The following TBC1D12 variants were observed in gnomAD, a reference collection of about 807,000 sequenced individuals.
The protein encoded by TBC1D12 is TBC1 domain family, member 12.
TBC1D12 carries 56 observed loss-of-function variants against 86.7 expected under a neutral mutation model. The observed-to-expected ratio is 0.65, with a 90% CI of 0.52 to 0.81. The LOEUF (loss-of-function observed/expected upper bound fraction) is 0.81, where lower values mean the gene tolerates loss of function less well. Ranked by LOEUF, TBC1D12 falls within the 30% of genes least tolerant of loss-of-function variation. TBC1D12 has a pLI of 0.00. For missense variants in TBC1D12, 1,023 were observed against 1,038.8 expected (o/e 0.98, Z 0.21); for synonymous variants, 421 against 411.7 (o/e 1.02, Z -0.27).
At chr10:94,519,135 A>G (rs1374949085) in intron 9 of TBC1D12, among the ~76,000 whole-genome samples, 2 of 152,224 alleles carry the variant, frequency 1.3e-5, no homozygotes, top group Non-Finnish European at 2.9e-5. Flanking sequence ...CCATTGCTTA[A>G]TTGGCAGCAT....
intron 3 of TBC1D12, among the ~76,000 whole-genome samples, chr10:94,480,953 A>C (rs978238274): frequency 2.6e-5 from 4 of 151,794 alleles, no homozygotes; most frequent in African/African-American, 9.7e-5. Flanking sequence ...GATGGCAGGC[A>C]TGAAAACAAC....
intron 1 of TBC1D12, among the ~76,000 whole-genome samples, chr10:94,433,675 A>C (rs987749627): frequency 1.3e-5 from 2 of 152,150 alleles, no homozygotes; most frequent in Non-Finnish European, 2.9e-5. Context: ...TGTAGTTATT[A>C]CTTTCCTTTG....
At chr10:94,524,254 C>T (rs1267969352) in intron 11 of TBC1D12, among the ~76,000 whole-genome samples, 1 of 152,084 alleles carries the variant, frequency 6.6e-6, no homozygotes, top group Non-Finnish European at 1.5e-5. Context: ...GAAGCTAAGC[C>T]TAGAGGTATT....
intron 1 of TBC1D12, among the ~76,000 whole-genome samples, chr10:94,422,021 C>T (rs1589605151): frequency 6.6e-6 from 1 of 151,878 alleles, no homozygotes; most frequent in East Asian, 1.9e-4. Flanking sequence ...AAGTAGACAA[C>T]GTTTTAAATT....
At chr10:94,468,730 C>T (rs1026577111) in intron 2 of TBC1D12, among the ~76,000 whole-genome samples, 3 of 152,160 alleles carry the variant, frequency 2.0e-5, no homozygotes, top group Admixed American at 2.0e-4. Flanking sequence ...AGTTTGACAA[C>T]ATTTCAGCCA....
intron 2 of TBC1D12, among the ~76,000 whole-genome samples, chr10:94,445,215 T>C (rs556395161): frequency 8.3e-4 from 126 of 151,548 alleles, no homozygotes; most frequent in African/African-American, 2.8e-3. Flanking sequence ...AAAAATTAGC[T>C]GGGCGTGGTA....
intron 1 of TBC1D12, among the ~76,000 whole-genome samples, chr10:94,420,606 G>A (rs1195552365): frequency 2.0e-5 from 3 of 152,148 alleles, no homozygotes; most frequent in Non-Finnish European, 4.4e-5. Context: ...CATATAAAGG[G>A]AGTCATATAG....
chr10:94,494,442 T>C (rs1257702569), intron 4 of TBC1D12, among the ~76,000 whole-genome samples: 1 of 152,254 alleles, frequency 6.6e-6, no homozygotes, highest in East Asian at 1.9e-4. Context: ...ATAAGGCTAG[T>C]TATATTGTTC....
intron 1 of TBC1D12, among the ~76,000 whole-genome samples, chr10:94,420,485 A>G (rs2055059236): frequency 6.6e-6 from 1 of 152,156 alleles, no homozygotes; most frequent in African/African-American, 2.4e-5. Context: ...AGAACATTTC[A>G]TTACCCCAAA....
intron 1 of TBC1D12, among the ~76,000 whole-genome samples, chr10:94,410,765 C>A (rs1245229790): frequency 6.6e-6 from 1 of 152,046 alleles, no homozygotes; most frequent in Non-Finnish European, 1.5e-5. Context: ...AAATACAATG[C>A]CTGAGAGATA....
chr10:94,527,525 CTTTATTTGGTGTGCAGAAGCT>C (rs1429528270), intron 11 of TBC1D12, among the ~76,000 whole-genome samples: 1 of 147,664 alleles, frequency 6.8e-6, no homozygotes, highest in Non-Finnish European at 1.5e-5. Flanking sequence ...CTATTGATTG[CTTTATTTGGTGTGCAGAAGCT>C]TTTTAGTTTG....
In TBC1D12 at chr10:94,435,142, T is replaced by A. The variant is rs1237400939; in HGVS notation, c.972-6754T>A. On this transcript the variant is annotated intron_variant, in intron 1 of 12. Coordinates refer to ENST00000225235, the MANE Select transcript of TBC1D12 (RefSeq NM_015188.2). Reference sequence around the variant, plus strand: ...TGGATTTTGAGTAGGTTTTTGCTCTTTTGAACAGTGTTGTCCTGAATGTTG... The same window carrying A: ...TGGATTTTGAGTAGGTTTTTGCTCTATTGAACAGTGTTGTCCTGAATGTTG... Among the ~76,000 whole-genome samples, 24 of 152,342 alleles carry A rather than the reference T, an allele frequency of 1.6e-4. No homozygotes were observed. The East Asian group carries it at 4.2e-3, about 27-fold the overall frequency.
At chr10:94,443,289 C>T (rs968388805) in intron 2 of TBC1D12, among the ~76,000 whole-genome samples, 7 of 152,132 alleles carry the variant, frequency 4.6e-5, no homozygotes, top group Non-Finnish European at 1.0e-4. Flanking sequence ...CATGTGCCTC[C>T]TCCTCTCCCT....
chr10:94,421,790 C>A (rs115357748), intron 1 of TBC1D12, among the ~76,000 whole-genome samples: 73 of 152,286 alleles, frequency 4.8e-4, no homozygotes, highest in African/African-American at 1.7e-3. Flanking sequence ...TGATGCTGAG[C>A]ATTTATTCAT....
chr10:94,493,283 C>A, intron 3 of TBC1D12, 82 bp from the exon 4 acceptor site: 1 of 1,026,042 alleles, frequency 9.7e-7, no homozygotes, highest in Non-Finnish European at 1.5e-6. Flanking sequence ...TTCTTTGCAT[C>A]TGGGTGTAAA....
chr10:94,531,699 G>GTTATT (rs1270741894), intron 12 of TBC1D12, among the ~76,000 whole-genome samples: 2 of 109,560 alleles, frequency 1.8e-5, no homozygotes, highest in African/African-American at 6.2e-5. Flanking sequence ...GTTATTTTAT[G>GTTATT]TTATGTTATT....
chr10:94,503,606 A>C (rs1444804171), intron 6 of TBC1D12, among the ~76,000 whole-genome samples: 1 of 152,020 alleles, frequency 6.6e-6, no homozygotes, highest in Admixed American at 6.6e-5. Context: ...TAAACATATT[A>C]TTTTATTTAT....
chr10:94,442,701 G>C (rs562878472), intron 2 of TBC1D12, among the ~76,000 whole-genome samples: 1 of 152,244 alleles, frequency 6.6e-6, no homozygotes, highest in East Asian at 1.9e-4. Flanking sequence ...AGAAGTTATT[G>C]CTCAGAAGAA....
intron 5 of TBC1D12, among the ~76,000 whole-genome samples, chr10:94,499,201 A>C (rs1487595794): frequency 1.3e-5 from 2 of 152,192 alleles, no homozygotes; most frequent in Non-Finnish European, 2.9e-5. Context: ...GCAATTTTGA[A>C]ACATACAGTT....
Sources: gnomAD v4.1 joint callset for allele counts (sites outside exome capture counted in the v4.1 genomes callset) on GRCh38, gnomAD v4.1.1 for gene constraint, MANE v1.5 for transcripts, NCBI Gene and HGNC (gene_info 2026-07-23, HGNC 2026-07-21) for gene names.